Variants in SRBD1 observed in about 807,000 individuals in gnomAD.
SRBD1 encodes the protein S1 RNA-binding domain-containing protein 1.
A neutral mutation model predicts 115.3 loss-of-function variants in SRBD1; 88 were observed. That is an observed-to-expected ratio of 0.76 (90% confidence interval 0.64 to 0.91). SRBD1 has a LOEUF of 0.91. Ranked by LOEUF, SRBD1 falls within the 40% of genes least tolerant of loss-of-function variation. The pLI is 0.00. For missense variants in SRBD1, 1,385 were observed against 1,177.4 expected, an observed-to-expected ratio of 1.18 and a Z score of -2.58; for synonymous variants, 509 against 407.7, an observed-to-expected ratio of 1.25 and a Z score of -2.99.
At chr2:45,535,268 C>CT (rs1216922784) in intron 14 of SRBD1, among the ~76,000 whole-genome samples, 3 of 151,928 alleles carry the variant, frequency 2.0e-5, no homozygotes, top group Non-Finnish European at 4.4e-5. Flanking sequence ...TATTAAGAGA[C>CT]TATCAATAGC....
Position 45,610,234 on chromosome 2 carries a change from G to A in SRBD1, c.-1+985C>T, listed in dbSNP as rs564141002. Reference sequence around the variant, plus strand: ...TAGGACGACTGCAAATCAGGACAAAGGGGCAAAAGGACGTGCACACTAACA... The same window carrying A: ...TAGGACGACTGCAAATCAGGACAAAAGGGCAAAAGGACGTGCACACTAACA... On this transcript the variant is annotated intron_variant, in intron 1 of 20. Transcript: ENST00000263736. 7.2e-5 allele frequency among the ~76,000 whole-genome samples: 11 copies of A among 152,234 alleles called. No homozygotes were observed. In the East Asian group the frequency reaches 2.1e-3, roughly 29 times the overall value.
rs894260035 is a variant in SRBD1 at position 45,562,725 on chromosome 2, T to G, written c.1337A>C (p.Lys446Thr). ...AATATTGACCTTAACCGTCAGTACC[T>G]TCAAATTTTCTCCACGGTTAATTGC... ...ILAINRGENL[K>T]VLTVKVNISD... Residue 446 changes from lysine to threonine, a missense_variant, in exon 10 of 21, where the codon AAG (lysine) becomes ACG (threonine). Lys to Thr is a moderately conservative substitution (Grantham distance 78, BLOSUM62 -1). Transcript: ENST00000263736. The G allele has an allele frequency of 2.5e-6, 4 of 1,610,008 alleles. No individual in the cohort carries two copies. The highest frequency in any genetic ancestry group is 3.4e-6 in the Non-Finnish European group (4 of 1,178,940).
At chr2:45,559,374 T>A (rs1672588842) in intron 10 of SRBD1, among the ~76,000 whole-genome samples, 1 of 152,186 alleles carries the variant, frequency 6.6e-6, no homozygotes. Flanking sequence ...TTCTCTTCCT[T>A]CTCCTTCTAT....
At chr2:45,562,169 AT>A (rs561707721) in intron 10 of SRBD1, among the ~76,000 whole-genome samples, 2 of 151,992 alleles carry the variant, frequency 1.3e-5, no homozygotes, top group African/African-American at 4.8e-5. Flanking sequence ...TTATTTTATT[AT>A]TTTTTTTAAT....
intron 16 of SRBD1, among the ~76,000 whole-genome samples, chr2:45,465,810 A>T (rs1465449109): frequency 6.6e-6 from 1 of 152,226 alleles, no homozygotes; most frequent in African/African-American, 2.4e-5. Context: ...ATTTGTGACC[A>T]GGCTACATTT....
chr2:45,528,217 T>C (rs373963431), intron 14 of SRBD1, among the ~76,000 whole-genome samples: 2 of 151,944 alleles, frequency 1.3e-5, no homozygotes, highest in East Asian at 3.9e-4. Flanking sequence ...TTATAAATGC[T>C]TGAATGATGA....
intron 14 of SRBD1, among the ~76,000 whole-genome samples, chr2:45,526,317 C>T (rs560022543): frequency 5.3e-5 from 8 of 151,988 alleles, no homozygotes; most frequent in African/African-American, 1.9e-4. Flanking sequence ...GAATGAACCT[C>T]GAAAACATGC....
At chr2:45,413,712 G>A (rs1259178797) in intron 18 of SRBD1, among the ~76,000 whole-genome samples, 1 of 152,106 alleles carries the variant, frequency 6.6e-6, no homozygotes, top group African/African-American at 2.4e-5. Context: ...CAGATCACCT[G>A]AGGTCAGGAG....
At chr2:45,544,921 G>A (rs1672061239) in intron 14 of SRBD1, among the ~76,000 whole-genome samples, 1 of 152,124 alleles carries the variant, frequency 6.6e-6, no homozygotes, top group African/African-American at 2.4e-5. Flanking sequence ...TTTTAAAAAT[G>A]AAGGAAAGTG....
At chr2:45,453,688 T>A (rs1036335595) in intron 16 of SRBD1, among the ~76,000 whole-genome samples, 2 of 151,998 alleles carry the variant, frequency 1.3e-5, no homozygotes, top group Non-Finnish European at 2.9e-5. Context: ...TAGTGATGTT[T>A]ATTGCAAAGA....
intron 1 of SRBD1, among the ~76,000 whole-genome samples, chr2:45,606,979 C>T (rs187654131): frequency 1.5e-4 from 23 of 152,270 alleles, no homozygotes; most frequent in African/African-American, 5.1e-4. Flanking sequence ...ATATGTTCTC[C>T]CAGCAGCTAT....
At chr2:45,459,062 G>A (rs989835222) in intron 16 of SRBD1, among the ~76,000 whole-genome samples, 9 of 152,002 alleles carry the variant, frequency 5.9e-5, no homozygotes, top group Non-Finnish European at 1.0e-4. Flanking sequence ...ACAAACTACA[G>A]AGTTTGTTTC....
At chr2:45,476,236 A>G (rs1202169337) in intron 16 of SRBD1, among the ~76,000 whole-genome samples, 1 of 152,100 alleles carries the variant, frequency 6.6e-6, no homozygotes, top group African/African-American at 2.4e-5. Context: ...CTCTTTTTCT[A>G]TCAAATGAGG....
chr2:45,495,911 G>A (rs993352562), intron 14 of SRBD1, among the ~76,000 whole-genome samples: 8 of 152,140 alleles, frequency 5.3e-5, no homozygotes, highest in African/African-American at 1.7e-4. Flanking sequence ...AACATGGTAT[G>A]TCAACCCACC....
chr2:45,527,897 A>G (rs1212907025), intron 14 of SRBD1, among the ~76,000 whole-genome samples: 4 of 152,034 alleles, frequency 2.6e-5, no homozygotes, highest in Admixed American at 1.3e-4. Context: ...AATCATTGCT[A>G]TCTGAGAATA....
In SRBD1 at chr2:45,556,480, C is replaced by G. The variant is rs989102101; in HGVS notation, c.1410-2750G>C. Among the ~76,000 whole-genome samples, 4 of 60,964 alleles carry G rather than the reference C, an allele frequency of 6.6e-5. No individual in the cohort carries two copies. The East Asian group carries it at 1.5e-3, about 23-fold the overall frequency. 40.0% of individuals were successfully genotyped at this position (60,964 alleles called of 152,430 possible). On this transcript the variant is annotated intron_variant, in intron 10 of 20. Coordinates refer to ENST00000263736, the MANE Select transcript of SRBD1 (RefSeq NM_018079.5). ...TTTTTTTTTTTTTTTTTTTTTGAGA[C>G]AGAGTCTCATCTCATTCTGTCACCC...
intron 6 of SRBD1, among the ~76,000 whole-genome samples, chr2:45,580,677 T>A (rs1418241245): frequency 1.3e-3 from 104 of 81,400 alleles, no homozygotes; most frequent in Non-Finnish European, 1.8e-3. Flanking sequence ...CTTCTACTTC[T>A]TTTTTTTTTT....
At chr2:45,463,432 T>C (rs1026718001) in intron 16 of SRBD1, among the ~76,000 whole-genome samples, 4 of 152,064 alleles carry the variant, frequency 2.6e-5, no homozygotes, top group South Asian at 2.1e-4. Context: ...CCAACACACA[T>C]ATATAAAGGA....
intron 14 of SRBD1, among the ~76,000 whole-genome samples, chr2:45,494,362 A>G (rs1670391067): frequency 1.3e-5 from 2 of 152,088 alleles, no homozygotes; most frequent in Admixed American, 6.6e-5. Flanking sequence ...AGGGAATCAT[A>G]TCAGATAATG....
Sources: allele counts gnomAD v4.1 joint callset (sites outside exome capture counted in the v4.1 genomes callset), GRCh38; gene constraint gnomAD v4.1.1; transcripts MANE v1.5; gene names NCBI Gene and HGNC (gene_info 2026-07-23, HGNC 2026-07-21).